Variants in FAXC observed in about 807,000 individuals in gnomAD.
FAXC encodes the protein failed axon connections homolog, metaxin like GST domain containing, also known as failed axon connections homolog.
A neutral mutation model predicts 41.9 loss-of-function variants in FAXC; 10 were observed. The ratio of observed to expected loss-of-function variants is 0.24; its 90% confidence interval spans 0.15 to 0.41. The LOEUF is 0.41. FAXC is among the 10% of genes least tolerant of loss of function. The pLI, the probability that FAXC is intolerant of heterozygous loss-of-function variation, is 1.00. For synonymous variants in FAXC, 183 were observed against 183.8 expected (o/e 1.00, Z 0.03); for missense variants, 399 against 510.9 (o/e 0.78, Z 2.11).
chr6:99,334,211 T>A (rs1410501939), intron 2 of FAXC, among the ~76,000 whole-genome samples: 1 of 152,202 alleles, frequency 6.6e-6, no homozygotes, highest in African/African-American at 2.4e-5. Flanking sequence ...TAACGGGGAT[T>A]TGGACTGATC....
intron 4 of FAXC, among the ~76,000 whole-genome samples, chr6:99,298,736 C>T (rs1771588448): frequency 6.6e-6 from 1 of 152,156 alleles, no homozygotes; most frequent in African/African-American, 2.4e-5. Context: ...AAATGGAGAG[C>T]TATAATAGTG....
intron 3 of FAXC, 48 bp from the exon 4 acceptor site, chr6:99,323,715 A>G (rs1772679012): frequency 2.8e-6 from 4 of 1,423,416 alleles, no homozygotes; most frequent in Non-Finnish European, 4.0e-6. Context: ...GGTACATATC[A>G]GCTCCACAGG....
Position 99,271,697 on chromosome 6 carries a change from A to G in FAXC, c.*9467T>C, listed in dbSNP as rs1770407398. 1 of 152,240 alleles carries G rather than the reference A, an allele frequency of 6.6e-6. No individual in the cohort carries two copies. The highest frequency in any genetic ancestry group is 1.5e-5 in the Non-Finnish European group (1 of 68,040). 9.4% of individuals were successfully genotyped at this position (152,240 alleles called of 1,614,324 possible). A position where few individuals can be genotyped will look rare whatever the true frequency, so the allele number is the denominator to read the frequency against. ...TAAGAGATACTCAATCAGTATTATC[A>G]CTGAAATGGGAAATTAGGGGGTTCT... is the stretch of plus-strand genomic sequence containing the variant. On this transcript the variant is annotated 3_prime_UTR_variant, in exon 6 of 6. Coordinates refer to ENST00000389677, the MANE Select transcript of FAXC (RefSeq NM_032511.4).
At chr6:99,316,126 G>A (rs751268914) in intron 4 of FAXC, among the ~76,000 whole-genome samples, 6 of 152,022 alleles carry the variant, frequency 3.9e-5, no homozygotes, top group Admixed American at 3.3e-4. Flanking sequence ...GAGATCAAGA[G>A]AAGAAACTCA....
chr6:99,299,593 T>A (rs939717204), intron 4 of FAXC, among the ~76,000 whole-genome samples: 2 of 152,114 alleles, frequency 1.3e-5, no homozygotes, highest in African/African-American at 4.8e-5. Flanking sequence ...TGAAGAAAAA[T>A]TAAGAAACAA....
intron 2 of FAXC, among the ~76,000 whole-genome samples, chr6:99,339,487 G>A (rs896449665): frequency 3.3e-5 from 5 of 152,132 alleles, no homozygotes; most frequent in African/African-American, 9.7e-5. Context: ...AACTAGATAA[G>A]TACCACTACT....
intron 2 of FAXC, among the ~76,000 whole-genome samples, chr6:99,341,917 G>T (rs1203337556): frequency 6.6e-6 from 1 of 151,984 alleles, no homozygotes; most frequent in Non-Finnish European, 1.5e-5. Flanking sequence ...AAAAATCAAA[G>T]CTTAAAATAG....
At position 99,292,244 on chromosome 6, in the gene FAXC, A is replaced by G. The variant is rs150168956; in HGVS notation, c.824-424T>C. Among the ~76,000 whole-genome samples, 251 of 152,342 alleles carry G rather than the reference A, an allele frequency of 1.6e-3. 3 individuals carry two copies. In the East Asian group the frequency reaches 0.042, roughly 25 times the overall value. ...CAGCACTTACATTATTAATTTAAATATATTTCCCCAGGAAAAACAAGAAGC... is the reference window on the plus strand; with the variant it reads ...CAGCACTTACATTATTAATTTAAATGTATTTCCCCAGGAAAAACAAGAAGC... On this transcript the variant is annotated intron_variant, in intron 4 of 5. Coordinates refer to ENST00000389677, the MANE Select transcript of FAXC (RefSeq NM_032511.4).
At chr6:99,308,792 T>C (rs1176203899) in intron 4 of FAXC, among the ~76,000 whole-genome samples, 2 of 152,144 alleles carry the variant, frequency 1.3e-5, no homozygotes, top group African/African-American at 4.8e-5. Context: ...TCCATAAAAA[T>C]ATGTATGTGG....
intron 2 of FAXC, among the ~76,000 whole-genome samples, chr6:99,337,469 G>C (rs1246284706): frequency 6.6e-6 from 1 of 152,128 alleles, no homozygotes; most frequent in Admixed American, 6.5e-5. Context: ...GAAATGTAAG[G>C]AAGAAAAGCC....
chr6:99,293,664 CAG>C (rs1562154944), intron 4 of FAXC, among the ~76,000 whole-genome samples: 6 of 101,054 alleles, frequency 5.9e-5, no homozygotes, highest in Admixed American at 1.9e-4. Context: ...GCTCTATACA[CAG>C]TGTGTGTGTG....
chr6:99,298,185 T>A (rs947929815), intron 4 of FAXC, among the ~76,000 whole-genome samples: 2 of 151,934 alleles, frequency 1.3e-5, no homozygotes, highest in African/African-American at 4.8e-5. Flanking sequence ...CTAGAGTATA[T>A]CATTGGTCTT....
intron 4 of FAXC, among the ~76,000 whole-genome samples, chr6:99,315,232 T>TAAAAAAAAAAA (rs1174982279): frequency 2.5e-5 from 1 of 40,480 alleles, no homozygotes; most frequent in African/African-American, 1.4e-4. Flanking sequence ...CACTCCATCT[T>TAAAAAAAAAAA]AAAAAAAAAA....
At chr6:99,320,595 TTCTCAGCAA>T (rs932310449) in intron 4 of FAXC, among the ~76,000 whole-genome samples, 4 of 152,178 alleles carry the variant, frequency 2.6e-5, no homozygotes, top group African/African-American at 9.7e-5. Flanking sequence ...TTCTCTCTTA[TTCTCAGCAA>T]TCTGCAACAT....
intron 5 of FAXC, among the ~76,000 whole-genome samples, chr6:99,290,219 T>C (rs753172071): frequency 2.6e-5 from 4 of 151,800 alleles, no homozygotes; most frequent in African/African-American, 7.3e-5. Context: ...CCATGAATTT[T>C]ACTTCTGGCT....
chr6:99,293,811 T>C (rs749551528), intron 4 of FAXC, among the ~76,000 whole-genome samples: 33 of 151,876 alleles, frequency 2.2e-4, no homozygotes, highest in Non-Finnish European at 4.3e-4. Context: ...AGCAAACCCT[T>C]ATACCACATT....
chr6:99,337,009 A>G (rs1201545433), intron 2 of FAXC, among the ~76,000 whole-genome samples: 1 of 152,206 alleles, frequency 6.6e-6, no homozygotes, highest in African/African-American at 2.4e-5. Flanking sequence ...CACTGAAAAA[A>G]TCCACGCACC....
At chr6:99,308,270 C>G (rs1772008802) in intron 4 of FAXC, among the ~76,000 whole-genome samples, 1 of 152,194 alleles carries the variant, frequency 6.6e-6, no homozygotes, top group South Asian at 2.1e-4. Context: ...GCACTCCAGC[C>G]TGGGCAACAG....
At chr6:99,331,972 G>T (rs1162868590) in intron 3 of FAXC, among the ~76,000 whole-genome samples, 1 of 152,160 alleles carries the variant, frequency 6.6e-6, no homozygotes, top group Non-Finnish European at 1.5e-5. Context: ...TACCACTATT[G>T]TAAGGAAAAT....
Sources: gnomAD v4.1 joint callset for allele counts (sites outside exome capture counted in the v4.1 genomes callset) on GRCh38, gnomAD v4.1.1 for gene constraint, MANE v1.5 for transcripts, NCBI Gene and HGNC (gene_info 2026-07-23, HGNC 2026-07-21) for gene names.